The following CEMIP2 variants were observed in gnomAD, a reference collection of about 807,000 sequenced individuals.
The protein encoded by CEMIP2 is cell surface hyaluronidase CEMIP2.
Under a neutral mutation model 146.9 loss-of-function variants are expected in CEMIP2, and 79 were observed. The observed-to-expected ratio is 0.54, with a 90% CI of 0.45 to 0.65. CEMIP2 has a LOEUF of 0.65. Among genes scored for constraint, CEMIP2 ranks in the 30% least tolerant of loss-of-function variants. The probability of loss-of-function intolerance (pLI) is 0.00; values close to 1 mark genes in which losing one functional copy is unlikely to be tolerated. For missense variants in CEMIP2, 1,596 were observed against 1,696.2 expected, an observed-to-expected ratio of 0.94 and a Z score of 1.04; for synonymous variants, 601 against 606.3, an observed-to-expected ratio of 0.99 and a Z score of 0.13.
At chr9:71,693,492 G>C (rs1185103435) in intron 21 of CEMIP2, among the ~76,000 whole-genome samples, 1 of 152,144 alleles carries the variant, frequency 6.6e-6, no homozygotes, top group Non-Finnish European at 1.5e-5. Context: ...TAGAGAAGAG[G>C]CAACCTTAAA....
chr9:71,715,880 C>T (rs1432845019), intron 14 of CEMIP2, among the ~76,000 whole-genome samples: 1 of 151,732 alleles, frequency 6.6e-6, no homozygotes, highest in Admixed American at 6.6e-5. Context: ...CCTGTCTTGG[C>T]CTCCCAAACT....
intron 4 of CEMIP2, among the ~76,000 whole-genome samples, chr9:71,744,799 G>T (rs1195729044): frequency 6.6e-6 from 1 of 152,176 alleles, no homozygotes; most frequent in Non-Finnish European, 1.5e-5. Flanking sequence ...TGGCACTCCA[G>T]TTCACAAAGG....
chr9:71,685,706 C>T (rs770555896), intron 23 of CEMIP2, 37 bp downstream of exon 23: 24 of 1,537,036 alleles, frequency 1.6e-5, no homozygotes, highest in Non-Finnish European at 2.1e-5. Flanking sequence ...ATGTTGCTGG[C>T]CCTGTAAGAA....
At chr9:71,750,910 C>T (rs369543735) in intron 1 of CEMIP2, among the ~76,000 whole-genome samples, 2 of 151,728 alleles carry the variant, frequency 1.3e-5, no homozygotes, top group Non-Finnish European at 2.9e-5. Context: ...CGATGATTGG[C>T]TAATTTTTAA....
intron 16 of CEMIP2, among the ~76,000 whole-genome samples, chr9:71,710,449 C>T (rs1230350846): frequency 3.9e-5 from 6 of 152,162 alleles, no homozygotes; most frequent in Admixed American, 6.5e-5. Flanking sequence ...TCTTTTCCTA[C>T]GTGGTTAAAT....
chr9:71,733,242 T>TTC (rs2131974635), intron 6 of CEMIP2, among the ~76,000 whole-genome samples: 1 of 152,356 alleles, frequency 6.6e-6, no homozygotes, highest in South Asian at 2.1e-4. Context: ...TTCTTTTAAA[T>TTC]TCCCACATTT....
rs1482883597 is a variant in CEMIP2, at chr9:71,740,183, T to G, written c.1084A>C (p.Asn362His). The G allele has an allele frequency of 6.2e-7, 1 of 1,613,992 alleles. No homozygotes were observed. Among genetic ancestry groups the G allele is most frequent in the South Asian group, 1.1e-5 (1 of 91,080 alleles). ...TTTTCATAGTTTCTCACGGATTCATTGCAAGAAGTGCTTCCACCATCAATG... is the reference window on the plus strand; with the variant it reads ...TTTTCATAGTTTCTCACGGATTCATGGCAAGAAGTGCTTCCACCATCAATG... Reference protein sequence around the residue: ...GVIDGGSTSCNESVRNYENHS... With the variant: ...GVIDGGSTSCHESVRNYENHS... Residue 362 changes from asparagine (N) to histidine (H), a missense_variant, in exon 5 of 24, where the codon AAT becomes CAT. Transcript: ENST00000377044.
chr9:71,732,182 G>C (rs1823638988), intron 7 of CEMIP2, among the ~76,000 whole-genome samples, 169 bp downstream of exon 7: 1 of 152,116 alleles, frequency 6.6e-6, no homozygotes, highest in Admixed American at 6.5e-5. Context: ...ACTAACTGAA[G>C]TCATAACATT....
chr9:71,720,633 T>C (rs1357043641), intron 12 of CEMIP2, among the ~76,000 whole-genome samples: 1 of 152,208 alleles, frequency 6.6e-6, no homozygotes, highest in African/African-American at 2.4e-5. Context: ...ATGAACAGAT[T>C]AAATATCTTC....
chr9:71,709,552 C>G, intron 16 of CEMIP2, 78 bp from the exon 17 acceptor site: 1 of 1,213,346 alleles, frequency 8.2e-7, no homozygotes, highest in Non-Finnish European at 1.2e-6. Context: ...GACTCAACTG[C>G]AGGTCCATTG....
At chr9:71,712,341 C>T in intron 15 of CEMIP2, 81 bp from the exon 16 acceptor site, 1 of 1,416,656 alleles carries the variant, frequency 7.1e-7, no homozygotes, top group Non-Finnish European at 9.7e-7. Context: ...ATGAAGACAG[C>T]TAAATATCCG....
rs1203000335 is a variant in CEMIP2, at chr9:71,730,077, A to G, written c.1950T>C (p.Asn650=). The part of the protein sequence containing the change: ...CTTMRDKVFG[N]YIPVPATDCM... ...AGTCAGTAGCAGGCACAGGAATGTA[A>G]TTTCCAAACACTTTATCTCGCATGG... is the stretch of plus-strand genomic sequence containing the variant. The change falls in exon 9 of 24, where the codon AAT becomes AAC. Residue 650 remains asparagine (N), a synonymous_variant. Coordinates refer to ENST00000377044, the MANE Select transcript of CEMIP2 (RefSeq NM_013390.3). The G allele has an allele frequency of 6.2e-7, 1 of 1,614,154 alleles. No individual in the cohort carries two copies. Among genetic ancestry groups the G allele is most frequent in the African/African-American group, 1.3e-5 (1 of 75,036 alleles).
chr9:71,687,049 T>C (rs1387007532), intron 22 of CEMIP2: 2 of 151,886 alleles, frequency 1.3e-5, no homozygotes, highest in Non-Finnish European at 2.9e-5. Flanking sequence ...TTCTCCGTTC[T>C]TCTCTGATCT....
chr9:71,687,876 G>A (rs1822114691), intron 22 of CEMIP2, among the ~76,000 whole-genome samples: 1 of 152,040 alleles, frequency 6.6e-6, no homozygotes, highest in East Asian at 1.9e-4. Flanking sequence ...TTTTTTTAGA[G>A]ATAGGGTCCT....
At chr9:71,741,721 C>T (rs868757676) in intron 4 of CEMIP2, among the ~76,000 whole-genome samples, 13 of 144,270 alleles carry the variant, frequency 9.0e-5, no homozygotes, top group Middle Eastern at 3.8e-3. Flanking sequence ...TCACCACAAC[C>T]TCCACCTCTG....
intron 10 of CEMIP2, among the ~76,000 whole-genome samples, chr9:71,728,841 G>GTGTT (rs943844936): frequency 2.6e-4 from 39 of 151,520 alleles, no homozygotes; most frequent in Non-Finnish European, 4.1e-4. Flanking sequence ...GTGTGTGTGT[G>GTGTT]TTTTTATTGA....
intron 10 of CEMIP2, among the ~76,000 whole-genome samples, chr9:71,726,524 A>C (rs1216592845): frequency 2.0e-5 from 3 of 152,238 alleles, no homozygotes; most frequent in African/African-American, 7.2e-5. Context: ...AGTGCCCACT[A>C]TATGCCAGGT....
intron 2 of CEMIP2, among the ~76,000 whole-genome samples, chr9:71,749,723 A>C (rs1824190224): frequency 6.6e-6 from 1 of 152,070 alleles, no homozygotes; most frequent in Non-Finnish European, 1.5e-5. Context: ...AAAAAAGAAA[A>C]AAAAAATTGC....
intron 4 of CEMIP2, among the ~76,000 whole-genome samples, chr9:71,744,249 T>C (rs1436012135): frequency 6.6e-6 from 1 of 151,952 alleles, no homozygotes; most frequent in Non-Finnish European, 1.5e-5. Flanking sequence ...GTAGCAACTG[T>C]TTGTAGTCTC....
Sources: allele counts gnomAD v4.1 joint callset (sites outside exome capture counted in the v4.1 genomes callset), GRCh38; gene constraint gnomAD v4.1.1; transcripts MANE v1.5; gene names NCBI Gene and HGNC (gene_info 2026-07-23, HGNC 2026-07-21).